Variants in SLAMF1 observed in about 807,000 individuals in gnomAD.
SLAMF1 encodes the protein signaling lymphocytic activation molecule.
A neutral mutation model predicts 35.1 loss-of-function variants in SLAMF1; 18 were observed. The observed-to-expected ratio is 0.51, with a 90% CI of 0.35 to 0.76. The LOEUF is 0.76. Among genes scored for constraint, SLAMF1 ranks in the 30% least tolerant of loss-of-function variants. SLAMF1 has a pLI of 0.01. For synonymous variants in SLAMF1, 168 were observed against 157.2 expected (o/e 1.07, Z -0.51); for missense variants, 392 against 413.0 (o/e 0.95, Z 0.44).
intron 3 of SLAMF1, among the ~76,000 whole-genome samples, chr1:160,624,817 T>C (rs1337003970): frequency 1.3e-5 from 2 of 152,198 alleles, no homozygotes; most frequent in African/African-American, 4.8e-5. Context: ...AAACTTTTAT[T>C]GTTTTCTCTC....
In SLAMF1 at chr1:160,636,517, G is replaced by A. The variant is rs577753991; in HGVS notation, c.415+674C>T. 6.6e-5 allele frequency among the ~76,000 whole-genome samples: 10 copies of A among 152,354 alleles called. No individual in the cohort carries two copies. The South Asian group carries it at 1.9e-3, about 28-fold the overall frequency. The stretch of plus-strand genomic sequence containing the variant: ...ACACAATCCCTGGGTGCACTCAAGA[G>A]GGACTGGTAGTTAAAAAGGCTCAAA... On this transcript the variant is annotated intron_variant, in intron 2 of 6. Transcript: ENST00000302035.
intron 5 of SLAMF1, among the ~76,000 whole-genome samples, chr1:160,616,083 G>A (rs1275719303): frequency 6.6e-6 from 1 of 152,182 alleles, no homozygotes; most frequent in Non-Finnish European, 1.5e-5. Flanking sequence ...CTCCTTATGT[G>A]AATTAGCATA....
rs986337701 is a variant in SLAMF1 at position 160,637,378 on chromosome 1, G to A, written c.228C>T (p.Asn76=). 5 of 1,614,092 alleles carry A rather than the reference G, an allele frequency of 3.1e-6. No individual in the cohort carries two copies. The highest frequency in any genetic ancestry group is 3.4e-6 in the Non-Finnish European group (4 of 1,179,992). ...CGGATGGATCAAGAGACACTATTTT[G>A]TTCTCGACACTGTTCTCCAGTGATT... ...MAKSLENSVE[N]KIVSLDPSEA... The change falls in exon 2 of 7, where the codon AAC becomes AAT. Residue 76 remains asparagine, a synonymous_variant. Transcript: ENST00000302035.
chr1:160,637,479 C>G lies in SLAMF1; in HGVS notation c.127G>C (p.Val43Leu). Residue 43 changes from valine to leucine, a missense_variant, in exon 2 of 7, where the codon GTG becomes CTG. Coordinates refer to ENST00000302035, the MANE Select transcript of SLAMF1 (RefSeq NM_003037.5). ...CTTTCATATGTCAGGGGCAGCAGCACTTTGCTTCCCAACTGCCGGAGAATC... is the reference window on the plus strand; with the variant it reads ...CTTTCATATGTCAGGGGCAGCAGCAGTTTGCTTCCCAACTGCCGGAGAATC... ...PKILRQLGSK[V>L]LLPLTYERIN... 4 of 1,613,622 alleles carry G rather than the reference C, an allele frequency of 2.5e-6. No homozygotes were observed. The highest frequency in any genetic ancestry group is 3.4e-6 in the Non-Finnish European group (4 of 1,179,992).
At chr1:160,635,107 G>A (rs955254594) in intron 2 of SLAMF1, among the ~76,000 whole-genome samples, 5 of 152,174 alleles carry the variant, frequency 3.3e-5, no homozygotes, top group African/African-American at 9.7e-5. Context: ...TAGAAAATAA[G>A]AATTTGCTTT....
intron 3 of SLAMF1, among the ~76,000 whole-genome samples, chr1:160,628,007 C>G (rs1659971889): frequency 6.6e-6 from 1 of 152,172 alleles, no homozygotes; most frequent in South Asian, 2.1e-4. Context: ...AACTCTCTTG[C>G]CTGCTGCCAC....
intron 3 of SLAMF1, among the ~76,000 whole-genome samples, chr1:160,627,975 T>C (rs1357271542): frequency 1.3e-5 from 2 of 152,186 alleles, no homozygotes; most frequent in Non-Finnish European, 2.9e-5. Flanking sequence ...GATGGTTTTA[T>C]AAATGGGAGC....
At chr1:160,625,488 G>A (rs1659830236) in intron 3 of SLAMF1, among the ~76,000 whole-genome samples, 1 of 152,108 alleles carries the variant, frequency 6.6e-6, no homozygotes, top group Non-Finnish European at 1.5e-5. Flanking sequence ...GATCCAAAGG[G>A]GCCTCCAGCC....
chr1:160,614,567 C>T (rs930600411), intron 5 of SLAMF1, among the ~76,000 whole-genome samples: 4 of 108,498 alleles, frequency 3.7e-5, no homozygotes, highest in South Asian at 3.8e-4. Flanking sequence ...AGTGAGACTC[C>T]GCATCACCAA....
At chr1:160,632,577 T>A (rs1660218070) in intron 3 of SLAMF1, among the ~76,000 whole-genome samples, 1 of 152,182 alleles carries the variant, frequency 6.6e-6, no homozygotes, top group Non-Finnish European at 1.5e-5. Flanking sequence ...AACACTTTGG[T>A]ATGCCCTAAT....
chr1:160,637,331 A>G lies in SLAMF1; in HGVS notation c.275T>C (p.Leu92Pro). ...DPSEAGPPRY[L>P]GDRYKFYLEN... The stretch of plus-strand genomic sequence containing the variant: ...CAGATAAAACTTGTAGCGATCTCCT[A>G]GATAACGTGGAGGGCCTGCTTCGGA... Residue 92 changes from leucine (L) to proline (P), a missense_variant, in exon 2 of 7, where the codon CTA becomes CCA. Physicochemically the swap from Leu to Pro is moderately conservative, Grantham distance 98 (BLOSUM62 -3). Transcript: ENST00000302035. 6.2e-7 allele frequency: 1 copy of G among 1,614,048 alleles called. No individual in the cohort carries two copies. The highest frequency in any genetic ancestry group is 8.5e-7 in the Non-Finnish European group (1 of 1,179,916).
At chr1:160,635,145 G>A (rs1300578298) in intron 2 of SLAMF1, among the ~76,000 whole-genome samples, 4 of 152,094 alleles carry the variant, frequency 2.6e-5, no homozygotes, top group African/African-American at 4.8e-5. Flanking sequence ...ATATTGTTAG[G>A]GCTCCACTCG....
intron 4 of SLAMF1, among the ~76,000 whole-genome samples, chr1:160,621,134 G>A (rs1236800861): frequency 6.6e-6 from 1 of 152,178 alleles, no homozygotes; most frequent in African/African-American, 2.4e-5. Context: ...TAAGGATGGT[G>A]GGAAAGTGGC....
In SLAMF1 at chr1:160,610,717, C is replaced by T. The variant is rs763597765; in HGVS notation, c.*31G>A. 14 of 1,584,480 alleles carry T rather than the reference C, an allele frequency of 8.8e-6. No homozygotes were observed. In the South Asian group the frequency reaches 1.4e-4, roughly 16 times the overall value. ...TGTTCATTTTGGTTTTTCCATTTTC[C>T]TTCAGAAAGTCCCTTTGTTGGTCTC... On this transcript the variant is annotated 3_prime_UTR_variant, in exon 7 of 7. Transcript: ENST00000302035.
At chr1:160,613,714 G>A (rs1659132638) in intron 5 of SLAMF1, among the ~76,000 whole-genome samples, 1 of 152,244 alleles carries the variant, frequency 6.6e-6, no homozygotes, top group African/African-American at 2.4e-5. Flanking sequence ...AGGAAAAAGG[G>A]ATGGGACATA....
intron 4 of SLAMF1, chr1:160,623,727 A>T (rs1282149633): frequency 7.5e-6 from 3 of 401,088 alleles, no homozygotes; most frequent in African/African-American, 6.2e-5. Flanking sequence ...GACTTTTTGG[A>T]TGAGATCCAA....
intron 1 of SLAMF1, among the ~76,000 whole-genome samples, chr1:160,643,335 A>AATGATGGCACAAGCTT (rs1351079958): frequency 6.6e-6 from 1 of 152,064 alleles, no homozygotes; most frequent in Non-Finnish European, 1.5e-5. Context: ...CATGCTGCAT[A>AATGATGGCACAAGCTT]ATGATGGCAC....
chr1:160,611,128 G>A (rs1658960435), intron 6 of SLAMF1, among the ~76,000 whole-genome samples: 1 of 152,110 alleles, frequency 6.6e-6, no homozygotes. Flanking sequence ...GTTACATATG[G>A]GTCACAATCT....
Position 160,610,759 on chromosome 1 carries a change from G to T in SLAMF1, c.997C>A (p.Pro333Thr), listed in dbSNP as rs3796504. ...SITVYASVTL[P>T]ES ...GTTGGTCTCTGGTGTCAGCTCTCTG[G>T]AAGTGTCACACTAGCATAGACTGTG... The change falls in exon 7 of 7, where the codon CCA (proline) becomes ACA (threonine). Residue 333 changes from proline to threonine, a missense_variant. Transcript: ENST00000302035. 129,301 of 1,611,012 alleles carry T rather than the reference G, an allele frequency of 0.08. 5,787 individuals carry two copies. The highest frequency in any genetic ancestry group is 0.09 in the Non-Finnish European group (106,044 of 1,177,156).
Sources: allele counts gnomAD v4.1 joint callset (sites outside exome capture counted in the v4.1 genomes callset), GRCh38; gene constraint gnomAD v4.1.1; transcripts MANE v1.5; gene names NCBI Gene and HGNC (gene_info 2026-07-23, HGNC 2026-07-21).